Variants in DENND4C observed in about 807,000 individuals in gnomAD.
The protein encoded by DENND4C is DENN domain-containing protein 4C.
DENND4C carries 108 observed loss-of-function variants against 203.0 expected under a neutral mutation model. The observed-to-expected ratio is 0.53, with a 90% CI of 0.46 to 0.62. The LOEUF is 0.62. Among genes scored for constraint, DENND4C ranks in the 20% least tolerant of loss-of-function variants. DENND4C has a pLI of 0.00. For missense variants in DENND4C, 2,481 were observed against 2,301.2 expected, an observed-to-expected ratio of 1.08 and a Z score of -1.60; for synonymous variants, 871 against 792.4, an observed-to-expected ratio of 1.10 and a Z score of -1.67.
chr9:19,249,453 A>C (rs1826036180), intron 1 of DENND4C, among the ~76,000 whole-genome samples: 1 of 151,832 alleles, frequency 6.6e-6, no homozygotes, highest in Non-Finnish European at 1.5e-5. Context: ...ACAGGGTTTC[A>C]CCATGTTGGC....
chr9:19,325,888 T>G (rs1408874468), intron 13 of DENND4C, 51 bp from the exon 14 acceptor site: 1 of 1,533,474 alleles, frequency 6.5e-7, no homozygotes, highest in Non-Finnish European at 8.9e-7. Flanking sequence ...AAAATGTCTA[T>G]TAAATTCATA....
intron 16 of DENND4C, among the ~76,000 whole-genome samples, chr9:19,329,698 C>T (rs1456067563): frequency 6.6e-6 from 1 of 152,118 alleles, no homozygotes; most frequent in East Asian, 1.9e-4. Context: ...CACAACATAT[C>T]CTTGTCAATT....
At chr9:19,292,544 T>C (rs1212080855) in intron 5 of DENND4C, 1 of 150,832 alleles carries the variant, frequency 6.6e-6, no homozygotes, top group Non-Finnish European at 1.5e-5. Flanking sequence ...AAACTTTCTT[T>C]TCTTTTTTTT....
At chr9:19,334,815 C>T (rs1025861367) in intron 17 of DENND4C, among the ~76,000 whole-genome samples, 162 bp from the exon 18 acceptor site, 3 of 152,098 alleles carry the variant, frequency 2.0e-5, no homozygotes, top group Non-Finnish European at 4.4e-5. Flanking sequence ...GCCACTGTGC[C>T]CAGCCTGAAT....
chr9:19,295,366 G>A (rs895571936), intron 5 of DENND4C, among the ~76,000 whole-genome samples: 3 of 152,162 alleles, frequency 2.0e-5, no homozygotes, highest in Non-Finnish European at 2.9e-5. Flanking sequence ...TTAGCTAGGT[G>A]TGGTGGTGGG....
rs557435817 is a variant in DENND4C, at chr9:19,316,364, G to A, written c.1488-53G>A. 3.7e-5 allele frequency: 54 copies of A among 1,473,822 alleles called. No individual in the cohort carries two copies. In the South Asian group the frequency reaches 6.2e-4, roughly 17 times the overall value. The allele number at this position is 1,473,822 out of a possible 1,614,324, so 91.3% of individuals were successfully genotyped here. A position where few individuals can be genotyped will look rare whatever the true frequency, so the allele number is the denominator to read the frequency against. ...TAGGTTGATGCAAGAATTTTGTCTA[G>A]TAAAAGCAGATTATGAATAACACAT... is the stretch of plus-strand genomic sequence containing the variant. On this transcript the variant is annotated intron_variant, in intron 10 of 32. Coordinates refer to ENST00000434457, the MANE Select transcript of DENND4C (RefSeq NM_001330640.2).
chr9:19,320,737 T>TA (rs936150251), intron 12 of DENND4C, among the ~76,000 whole-genome samples: 7 of 152,228 alleles, frequency 4.6e-5, no homozygotes, highest in Non-Finnish European at 1.0e-4. Context: ...GTCCTACTTT[T>TA]AGTGTTCCTA....
At position 19,325,985 on chromosome 9, in the gene DENND4C, C is replaced by T. The variant is rs1316857646; in HGVS notation, c.1989+11C>T. 1.2e-6 allele frequency: 2 copies of T among 1,606,364 alleles called. No individual in the cohort carries two copies. The highest frequency in any genetic ancestry group is 4.5e-5 in the East Asian group (2 of 44,686). On this transcript the variant is annotated intron_variant, in intron 14 of 32. Transcript: ENST00000434457. Reference sequence around the variant, plus strand: ...GAGAAAACAGATAAGGTATGTTTTTCTTAGATTTTAAGGGTTGAAATTTCA... The same window carrying T: ...GAGAAAACAGATAAGGTATGTTTTTTTTAGATTTTAAGGGTTGAAATTTCA...
At chr9:19,357,226 G>A (rs776965058) in intron 27 of DENND4C, 72 bp downstream of exon 27, 2 of 1,471,932 alleles carry the variant, frequency 1.4e-6, no homozygotes, top group Admixed American at 3.5e-5. Flanking sequence ...TGTCTCTAAA[G>A]ACAACCTGAC....
At chr9:19,278,408 C>T (rs545366331) in intron 2 of DENND4C, among the ~76,000 whole-genome samples, 2 of 152,024 alleles carry the variant, frequency 1.3e-5, no homozygotes, top group Non-Finnish European at 1.5e-5. Context: ...GGGTTACAAG[C>T]GTGAGTTACC....
At chr9:19,324,833 C>T (rs1323412966) in intron 13 of DENND4C, among the ~76,000 whole-genome samples, 1 of 152,192 alleles carries the variant, frequency 6.6e-6, no homozygotes, top group East Asian at 1.9e-4. Flanking sequence ...GATTTTACCA[C>T]CTTAGCCTTC....
rs1822811423 is a variant in DENND4C, at chr9:19,346,008, A to G, written c.3239A>G (p.Asp1080Gly). Reference sequence around the variant, plus strand: ...GCTACTAATCTCAAGAAGAATGGTGATAGAGGAGAAAAAAGACAAAAGCAT... The same window carrying G: ...GCTACTAATCTCAAGAAGAATGGTGGTAGAGGAGAAAAAAGACAAAAGCAT... Reference protein sequence around the residue: ...GEATNLKKNGDRGEKRQKHFP... With the variant: ...GEATNLKKNGGRGEKRQKHFP... Residue 1080 changes from aspartate (D) to glycine (G), a missense_variant, in exon 23 of 33, where the codon GAT becomes GGT. Transcript: ENST00000434457. 2 of 1,614,042 alleles carry G rather than the reference A, an allele frequency of 1.2e-6. No individual in the cohort carries two copies. Among genetic ancestry groups the G allele is most frequent in the Non-Finnish European group, 1.7e-6 (2 of 1,180,040 alleles).
chr9:19,314,660 C>T (rs894309620), intron 10 of DENND4C, among the ~76,000 whole-genome samples: 2 of 151,928 alleles, frequency 1.3e-5, no homozygotes, highest in African/African-American at 4.8e-5. Flanking sequence ...AAAAAAACTG[C>T]ATGTGAACTG....
chr9:19,272,909 A>T (rs767598601), intron 1 of DENND4C, among the ~76,000 whole-genome samples: 8 of 146,498 alleles, frequency 5.5e-5, no homozygotes, highest in Non-Finnish European at 7.4e-5. Flanking sequence ...CTGGGATTTC[A>T]GGCACATGCC....
chr9:19,264,202 G>A (rs949847439), intron 1 of DENND4C, among the ~76,000 whole-genome samples: 2 of 152,074 alleles, frequency 1.3e-5, no homozygotes, highest in African/African-American at 2.4e-5. Context: ...TCAGGTTTTG[G>A]ATGTCAGTAT....
intron 1 of DENND4C, among the ~76,000 whole-genome samples, chr9:19,255,716 A>G (rs1161362491): frequency 6.6e-6 from 1 of 152,214 alleles, no homozygotes; most frequent in Non-Finnish European, 1.5e-5. Context: ...GTTTCAAAAT[A>G]CATGAAGCAA....
chr9:19,267,097 A>G (rs1030174649), intron 1 of DENND4C, among the ~76,000 whole-genome samples: 2 of 152,148 alleles, frequency 1.3e-5, no homozygotes, highest in African/African-American at 2.4e-5. Context: ...CAGCCGTTAG[A>G]TGAAATGTTC....
intron 1 of DENND4C, among the ~76,000 whole-genome samples, chr9:19,270,038 G>T (rs1339282294): frequency 6.6e-6 from 1 of 152,200 alleles, no homozygotes; most frequent in East Asian, 1.9e-4. Context: ...TGGCCTTAGT[G>T]GTCTTGGGTA....
rs753041821 is a variant in DENND4C at position 19,350,697 on chromosome 9, TAAAG to T, written c.4318-4_4318-1del. The T allele has an allele frequency of 6.3e-7, 1 of 1,597,002 alleles. No homozygotes were observed. Among genetic ancestry groups the T allele is most frequent in the Admixed American group, 1.8e-5 (1 of 55,924 alleles). On this transcript the variant is annotated splice_acceptor_variant and splice_polypyrimidine_tract_variant and intron_variant, in intron 23 of 32. Coordinates refer to ENST00000434457, the MANE Select transcript of DENND4C (RefSeq NM_001330640.2). LOFTEE classifies it high-confidence loss of function. ...GTATGTGGAATTTTTTTTTTTCAAT[TAAAG>T]GAAGAAACTAATAGAGACTACAGCT...
Sources: gnomAD v4.1 joint callset for allele counts (sites outside exome capture counted in the v4.1 genomes callset) on GRCh38, gnomAD v4.1.1 for gene constraint, MANE v1.5 for transcripts, NCBI Gene and HGNC (gene_info 2026-07-23, HGNC 2026-07-21) for gene names.